Variants in PCDH17 observed in about 807,000 individuals in gnomAD.
The protein encoded by PCDH17 is protocadherin 17, also known as protocadherin-17.
Under a neutral mutation model 67.7 loss-of-function variants are expected in PCDH17, and 21 were observed. The observed-to-expected ratio is 0.31, with a 90% CI of 0.22 to 0.45. PCDH17 has a LOEUF of 0.45. PCDH17 is among the 20% of genes least tolerant of loss of function. PCDH17 has a pLI of 1.00. For missense variants in PCDH17, 1,471 were observed against 1,564.8 expected (o/e 0.94, Z 1.01); for synonymous variants, 701 against 656.7 (o/e 1.07, Z -1.03).
chr13:57,648,916 G>A (rs2137996465), intron 1 of PCDH17, among the ~76,000 whole-genome samples: 1 of 152,098 alleles, frequency 6.6e-6, no homozygotes, highest in South Asian at 2.1e-4. Context: ...ATATTTTTAT[G>A]TCTCTACTCA....
At chr13:57,705,335 A>C (rs990674174) in intron 3 of PCDH17, among the ~76,000 whole-genome samples, 9 of 152,156 alleles carry the variant, frequency 5.9e-5, no homozygotes, top group Non-Finnish European at 1.2e-4. Context: ...TTAATGTTTA[A>C]GTTTTCATTT....
chr13:57,717,803 A>T (rs972684479), intron 3 of PCDH17, among the ~76,000 whole-genome samples: 1 of 152,056 alleles, frequency 6.6e-6, no homozygotes, highest in Non-Finnish European at 1.5e-5. Context: ...TGGAAGCCAG[A>T]TTAGCAGTGT....
At chr13:57,711,717 G>T (rs1034730395) in intron 3 of PCDH17, among the ~76,000 whole-genome samples, 1 of 151,272 alleles carries the variant, frequency 6.6e-6, no homozygotes, top group Non-Finnish European at 1.5e-5. Flanking sequence ...ATATATTTTT[G>T]ATTATTATAA....
intron 3 of PCDH17, among the ~76,000 whole-genome samples, chr13:57,698,412 TC>T (rs1955631447): frequency 6.6e-6 from 1 of 151,800 alleles, no homozygotes; most frequent in Non-Finnish European, 1.5e-5. Context: ...ACATAAATGT[TC>T]TGTTTGAGAT....
chr13:57,632,783 A>C lies in PCDH17; in HGVS notation c.237A>C (p.Ala79=). The C allele has an allele frequency of 6.2e-7, 1 of 1,613,210 alleles. No homozygotes were observed. The highest frequency in any genetic ancestry group is 8.5e-7 in the Non-Finnish European group (1 of 1,179,940). Residue 79 remains alanine, a synonymous_variant, in exon 1 of 4, where the codon GCA becomes GCC. Transcript: ENST00000377918. The part of the protein sequence containing the change: ...NSAPHLLDVD[A]DSGLLYTKQR... ...CACCGCACCTGCTGGACGTGGACGCAGACAGCGGGCTCCTCTACACCAAGC... is the reference window on the plus strand; with the variant it reads ...CACCGCACCTGCTGGACGTGGACGCCGACAGCGGGCTCCTCTACACCAAGC...
chr13:57,678,337 T>G (rs894398103), intron 3 of PCDH17, among the ~76,000 whole-genome samples: 1 of 151,566 alleles, frequency 6.6e-6, no homozygotes, highest in Non-Finnish European at 1.5e-5. Context: ...AAAAAAGCTT[T>G]GAATATTCAA....
chr13:57,716,765 A>C (rs1382700255), intron 3 of PCDH17, among the ~76,000 whole-genome samples: 3 of 151,964 alleles, frequency 2.0e-5, no homozygotes, highest in Admixed American at 6.6e-5. Flanking sequence ...TTAGAAGTAG[A>C]TAGACCTAGG....
chr13:57,652,284 C>CAAAAA (rs11435613), intron 1 of PCDH17, among the ~76,000 whole-genome samples: 3 of 117,192 alleles, frequency 2.6e-5, no homozygotes, highest in Non-Finnish European at 5.1e-5. Context: ...GACTCCGTCT[C>CAAAAA]AAAAAAAAAA....
chr13:57,656,890 A>T (rs9563519), intron 1 of PCDH17, among the ~76,000 whole-genome samples: 3 of 152,024 alleles, frequency 2.0e-5, no homozygotes, highest in Admixed American at 6.5e-5. Context: ...TGGCACATCC[A>T]GTATTTAGTG....
rs1192269407 is a variant in PCDH17, at chr13:57,633,815, G to A, written c.1269G>A (p.Thr423=). The A allele has an allele frequency of 6.2e-7, 1 of 1,611,522 alleles. No individual in the cohort carries two copies. Among genetic ancestry groups the A allele is most frequent in the Non-Finnish European group, 8.5e-7 (1 of 1,179,944 alleles). The part of the protein sequence containing the change: ...KLEENYDNFY[T]VVTDRPLDRE... ...AGGAGAACTACGACAACTTCTACAC[G>A]GTGGTGACTGACCGCCCGCTGGACC... Residue 423 remains threonine, a synonymous_variant, in exon 1 of 4, where the codon ACG becomes ACA. Transcript: ENST00000377918. The surrounding 1 kb of genome is among the most constrained non-coding windows in gnomAD (Gnocchi z 6.2).
At chr13:57,712,317 G>C (rs560681308) in intron 3 of PCDH17, among the ~76,000 whole-genome samples, 1 of 151,710 alleles carries the variant, frequency 6.6e-6, no homozygotes, top group East Asian at 1.9e-4. Flanking sequence ...CCTTTCAGCA[G>C]AGACGTTGTG....
At chr13:57,631,195 C>T (rs1202519730), upstream of PCDH17, among the ~76,000 whole-genome samples, 4 of 151,898 alleles carry the variant, frequency 2.6e-5, no homozygotes, top group African/African-American at 9.7e-5. Flanking sequence ...ACTTTTATTC[C>T]TCGCCAAGGT....
intron 3 of PCDH17, among the ~76,000 whole-genome samples, chr13:57,695,868 G>A (rs1247766179): frequency 6.6e-6 from 1 of 151,326 alleles, no homozygotes; most frequent in East Asian, 1.9e-4. Flanking sequence ...GTAATTGAAA[G>A]TCTCTGCTCT....
chr13:57,712,367 G>T (rs904915722), intron 3 of PCDH17, among the ~76,000 whole-genome samples: 1 of 151,592 alleles, frequency 6.6e-6, no homozygotes, highest in Non-Finnish European at 1.5e-5. Context: ...CACATTCTCT[G>T]ATTGACTTAT....
chr13:57,713,908 A>G (rs1362467664), intron 3 of PCDH17, among the ~76,000 whole-genome samples: 1 of 151,622 alleles, frequency 6.6e-6, no homozygotes, highest in Admixed American at 6.6e-5. Context: ...CTTCAAAAAT[A>G]TAGTATTTTT....
upstream of PCDH17, among the ~76,000 whole-genome samples, chr13:57,631,107 C>T (rs912786419): frequency 6.6e-6 from 1 of 152,054 alleles, no homozygotes; most frequent in African/African-American, 2.4e-5. Flanking sequence ...TTGCTTTCAT[C>T]CAGCCCACTC....
intron 3 of PCDH17, among the ~76,000 whole-genome samples, chr13:57,719,055 A>T (rs573876298): frequency 6.6e-6 from 1 of 152,142 alleles, no homozygotes; most frequent in Admixed American, 6.6e-5. Flanking sequence ...CCGTAAATAG[A>T]GATGAGTGCT....
chr13:57,636,520 C>T (rs1954825260), intron 1 of PCDH17, among the ~76,000 whole-genome samples: 1 of 152,054 alleles, frequency 6.6e-6, no homozygotes, highest in Admixed American at 6.5e-5. Flanking sequence ...AACAATCTCA[C>T]ACTTGACACT....
chr13:57,725,789 A>G lies in PCDH17; in HGVS notation c.*495A>G, dbSNP rs1332466449. On this transcript the variant is annotated 3_prime_UTR_variant, in exon 4 of 4. Coordinates refer to ENST00000377918, the MANE Select transcript of PCDH17 (RefSeq NM_001040429.3). ...GGCTTCTACTGAAAGTCCTGAAAAG[A>G]CCTTGCAGTAGTCCAAGCTACACCA... The G allele has an allele frequency of 6.5e-6, 1 of 154,238 alleles. No homozygotes were observed. Among genetic ancestry groups the G allele is most frequent in the African/African-American group, 2.4e-5 (1 of 41,450 alleles). The allele number at this position is 154,238 out of a possible 1,614,324, so 9.6% of individuals were successfully genotyped here. A position where few individuals can be genotyped will look rare whatever the true frequency, so the allele number is the denominator to read the frequency against.
Sources: gnomAD v4.1 joint callset for allele counts (sites outside exome capture counted in the v4.1 genomes callset) on GRCh38, gnomAD v4.1.1 for gene constraint, Gnocchi (gnomAD v3.1) non-coding constraint, MANE v1.5 for transcripts, NCBI Gene and HGNC (gene_info 2026-07-23, HGNC 2026-07-21) for gene names.